Variants in HEXD observed in about 807,000 individuals in gnomAD.
HEXD encodes the protein hexosaminidase D.
In HEXD, 47 loss-of-function variants were observed where a neutral mutation model predicts 54.2. The observed-to-expected ratio is 0.87, with a 90% CI of 0.69 to 1.11. The LOEUF (loss-of-function observed/expected upper bound fraction) is 1.11, where lower values mean the gene tolerates loss of function less well. Among genes scored for constraint, HEXD ranks in the 50% least tolerant of loss-of-function variants. The pLI, the probability that HEXD is intolerant of heterozygous loss-of-function variation, is 0.00. For synonymous variants in HEXD, 293 were observed against 287.6 expected, an observed-to-expected ratio of 1.02 and a Z score of -0.19; for missense variants, 576 against 649.2, an observed-to-expected ratio of 0.89 and a Z score of 1.23.
Position 82,442,457 on chromosome 17 carries a change from A to G in HEXD, c.*73A>G. 6.2e-7 allele frequency: 1 copy of G among 1,608,790 alleles called. No individual in the cohort carries two copies. Among genetic ancestry groups the G allele is most frequent in the Non-Finnish European group, 8.5e-7 (1 of 1,176,510 alleles). ...TGCACTGCCAAATGGCCTGGGCAAT[A>G]CGGGCCCACGTGGGCGTCGTGCCCT... is the stretch of plus-strand genomic sequence containing the variant. On this transcript the variant is annotated 3_prime_UTR_variant, in exon 13 of 13. Transcript: ENST00000327949. The surrounding 1 kb of genome is among the most constrained non-coding windows in gnomAD (Gnocchi z 6.8).
chr17:82,436,772 G>A (rs1434122599), intron 7 of HEXD, 34 bp downstream of exon 7: 5 of 1,591,132 alleles, frequency 3.1e-6, no homozygotes, highest in East Asian at 4.5e-5. Context: ...GTGTTGTCCT[G>A]GCCATGTGCC....
intron 2 of HEXD, among the ~76,000 whole-genome samples, chr17:82,421,455 A>G (rs2053233116): frequency 6.6e-6 from 1 of 152,174 alleles, no homozygotes; most frequent in Admixed American, 6.5e-5. Flanking sequence ...GCAGTTTCTA[A>G]TACCGCGTGG....
intron 8 of HEXD, among the ~76,000 whole-genome samples, chr17:82,438,107 C>T (rs575959445): frequency 1.3e-5 from 2 of 152,132 alleles, no homozygotes; most frequent in Admixed American, 6.5e-5. Context: ...CGTGGTGGCA[C>T]GCGCCTATGA....
In HEXD at chr17:82,437,008, G is replaced by A. The variant is rs773863127; in HGVS notation, c.704-160G>A. 11 of 718,028 alleles carry A rather than the reference G, an allele frequency of 1.5e-5. No homozygotes were observed. The South Asian group carries it at 1.6e-4, about 10-fold the overall frequency. The allele number at this position is 718,028 out of a possible 1,614,324, so 44.5% of individuals were successfully genotyped here. A position where few individuals can be genotyped will look rare whatever the true frequency, so the allele number is the denominator to read the frequency against. On this transcript the variant is annotated intron_variant, in intron 7 of 12. Transcript: ENST00000327949. Reference sequence around the variant, plus strand: ...TCTGGAGTCTCCCCGACTGGGACCCGGGCCGGCCGCATACACTCTGGAGTC... The same window carrying A: ...TCTGGAGTCTCCCCGACTGGGACCCAGGCCGGCCGCATACACTCTGGAGTC...
In HEXD at chr17:82,437,069, G is replaced by T. The variant is rs999730090; in HGVS notation, c.704-99G>T. On this transcript the variant is annotated intron_variant, in intron 7 of 12. Transcript: ENST00000327949. ...AGACCCGGGCCTGGCTGTCTCAGGCGGCTCCCATGTTGGCTCTGGGTACAG... is the reference window on the plus strand; with the variant it reads ...AGACCCGGGCCTGGCTGTCTCAGGCTGCTCCCATGTTGGCTCTGGGTACAG... 8.4e-6 allele frequency: 9 copies of T among 1,065,156 alleles called. No homozygotes were observed. The African/African-American group carries it at 9.6e-5, about 11-fold the overall frequency. 66.0% of individuals were successfully genotyped at this position (1,065,156 alleles called of 1,614,324 possible). A position where few individuals can be genotyped will look rare whatever the true frequency, so the allele number is the denominator to read the frequency against.
intron 4 of HEXD, among the ~76,000 whole-genome samples, chr17:82,433,165 G>T (rs2053661220): frequency 1.7e-5 from 2 of 117,912 alleles, no homozygotes; most frequent in Admixed American, 9.8e-5. Context: ...TTTTAGTCTG[G>T]GCGTGGTGGT....
In HEXD at chr17:82,433,112, ATATATATATATATATATTT is replaced by A. The variant is rs2053644020; in HGVS notation, c.283-544_283-526del. On this transcript the variant is annotated intron_variant, in intron 4 of 12. Coordinates refer to ENST00000327949, the MANE Select transcript of HEXD (RefSeq NM_001330542.2). ...AAAAAATATATATATATATATATAT[ATATATATATATATATATTT>A]TTTTTTTTTTTTTATATATATATTT... is the stretch of plus-strand genomic sequence containing the variant. Among the ~76,000 whole-genome samples, 2 of 18,506 alleles carry A rather than the reference ATATATATATATATATATTT, an allele frequency of 1.1e-4. 1 individual carries two copies. Among genetic ancestry groups the A allele is most frequent in the Admixed American group, 1.4e-3 (2 of 1,476 alleles). The allele number at this position is 18,506 out of a possible 152,430, so 12.1% of individuals were successfully genotyped here.
At chr17:82,432,895 C>G (rs979288702) in intron 4 of HEXD, among the ~76,000 whole-genome samples, 12 of 148,652 alleles carry the variant, frequency 8.1e-5, no homozygotes, top group South Asian at 6.4e-4. Context: ...AACCCCGTCT[C>G]TACTAAAACA....
chr17:82,437,719 A>G (rs1019698136), intron 8 of HEXD, among the ~76,000 whole-genome samples: 1 of 152,148 alleles, frequency 6.6e-6, no homozygotes, highest in African/African-American at 2.4e-5. Context: ...TGCCGTCTCA[A>G]TTCGGACCCC....
chr17:82,428,681 T>G (rs747373572), intron 4 of HEXD, 36 bp downstream of exon 4: 2 of 1,576,714 alleles, frequency 1.3e-6, no homozygotes, highest in Non-Finnish European at 1.7e-6. Flanking sequence ...TGGTGCCAGG[T>G]GTGGGGTCCA....
chr17:82,436,931 C>T (rs2053786295), intron 7 of HEXD, 193 bp downstream of exon 7: 1 of 628,712 alleles, frequency 1.6e-6, no homozygotes. Flanking sequence ...ACCTCCCTCC[C>T]TGTTCCACCA....
intron 6 of HEXD, among the ~76,000 whole-genome samples, 186 bp downstream of exon 6, chr17:82,436,058 T>A (rs1370704699): frequency 6.6e-6 from 1 of 152,118 alleles, no homozygotes; most frequent in East Asian, 1.9e-4. Flanking sequence ...GCTGTGGAGG[T>A]TTGGGCAGGA....
At chr17:82,441,914 C>G (rs569711994) in intron 12 of HEXD, 25 bp downstream of exon 12, 1 of 1,604,584 alleles carries the variant, frequency 6.2e-7, no homozygotes, top group South Asian at 1.1e-5. Context: ...TCTTATAGGC[C>G]GTGCAGCCAT....
At chr17:82,441,934 G>A (rs1436964700) in intron 12 of HEXD, 45 bp downstream of exon 12, 1 of 1,567,482 alleles carries the variant, frequency 6.4e-7, no homozygotes, top group African/African-American at 1.3e-5. Flanking sequence ...TGGGTTCCCT[G>A]AGAACTGCTG....
intron 11 of HEXD, 141 bp from the exon 12 acceptor site, chr17:82,441,659 C>T (rs544974269): frequency 4.0e-6 from 3 of 747,096 alleles, no homozygotes; most frequent in South Asian, 3.1e-5. Context: ...AGGAGGCAGC[C>T]TCATCCTTCA....
intron 2 of HEXD, among the ~76,000 whole-genome samples, chr17:82,420,943 G>T (rs1017539450): frequency 2.0e-5 from 3 of 152,102 alleles, no homozygotes; most frequent in Non-Finnish European, 4.4e-5. Flanking sequence ...AGGTATCAGG[G>T]TGTCCCCATG....
chr17:82,442,363 G>A lies in HEXD; in HGVS notation c.1440G>A (p.Arg480=). ...APPLPPTSPG[R]DVAQDP Reference sequence around the variant, plus strand: ...CGCTGCCACCCACCAGCCCTGGCAGGGACGTTGCTCAGGACCCCTGAGGGG... The same window carrying A: ...CGCTGCCACCCACCAGCCCTGGCAGAGACGTTGCTCAGGACCCCTGAGGGG... Residue 480 remains arginine (R), a synonymous_variant, in exon 13 of 13, where the codon AGG becomes AGA. Coordinates refer to ENST00000327949, the MANE Select transcript of HEXD (RefSeq NM_001330542.2). The surrounding 1 kb of genome is among the most constrained non-coding windows in gnomAD (Gnocchi z 6.8). The A allele has an allele frequency of 6.2e-7, 1 of 1,611,032 alleles. No homozygotes were observed. Among genetic ancestry groups the A allele is most frequent in the Non-Finnish European group, 8.5e-7 (1 of 1,178,920 alleles).
At chr17:82,439,513 C>G in intron 8 of HEXD, 118 bp from the exon 9 acceptor site, 2 of 1,473,604 alleles carry the variant, frequency 1.4e-6, no homozygotes, top group South Asian at 1.5e-5. Context: ...TCGGGCTGCC[C>G]CCAGCGCTGA....
At chr17:82,432,787 G>A (rs944628834) in intron 4 of HEXD, among the ~76,000 whole-genome samples, 1 of 151,794 alleles carries the variant, frequency 6.6e-6, no homozygotes, top group Non-Finnish European at 1.5e-5. Flanking sequence ...TTTATGGCTG[G>A]GTGCAGTGGC....
Sources: allele counts gnomAD v4.1 joint callset (sites outside exome capture counted in the v4.1 genomes callset), GRCh38; gene constraint gnomAD v4.1.1; non-coding constraint Gnocchi (gnomAD v3.1); transcripts MANE v1.5; gene names NCBI Gene and HGNC (gene_info 2026-07-23, HGNC 2026-07-21).